TECPR2: variants seen among roughly 807,000 people sequenced by gnomAD.
TECPR2 encodes tectonin beta-propeller repeat-containing protein 2.
A neutral mutation model predicts 138.1 loss-of-function variants in TECPR2; 65 were observed. The observed-to-expected ratio is 0.47, with a 90% confidence interval of 0.39 to 0.58. TECPR2 has a LOEUF of 0.58. TECPR2 is among the 20% of genes least tolerant of loss of function. TECPR2 has a pLI of 0.00. For synonymous variants in TECPR2, 746 were observed against 749.8 expected, an observed-to-expected ratio of 0.99 and a Z score of 0.08; for missense variants, 1,553 against 1,824.5, an observed-to-expected ratio of 0.85 and a Z score of 2.71.
At chr14:102,451,282 G>A (rs138701909) in intron 15 of TECPR2, among the ~76,000 whole-genome samples, 59 of 152,284 alleles carry the variant, frequency 3.9e-4, no homozygotes, top group African/African-American at 1.4e-3. Flanking sequence ...GGAAGTAGCT[G>A]TACCTCCTCC....
rs1888312214 is a variant in TECPR2 at position 102,396,254 on chromosome 14, C to G, written c.220-11084C>G. 2.0e-5 allele frequency among the ~76,000 whole-genome samples: 3 copies of G among 152,048 alleles called. No individual in the cohort carries two copies. The South Asian group carries it at 6.2e-4, about 32-fold the overall frequency. On this transcript the variant is annotated intron_variant, in intron 2 of 19. Transcript: ENST00000359520. The stretch of plus-strand genomic sequence containing the variant: ...AACAGCTGGGATTACAGGCACACAC[C>G]ACCACGCCAGGCTAGTTTTTGTATT...
At position 102,447,812 on chromosome 14, in the gene TECPR2, C is replaced by T. The variant is rs368042918; in HGVS notation, c.3076-1817C>T. On this transcript the variant is annotated intron_variant, in intron 13 of 19. Coordinates refer to ENST00000359520, the MANE Select transcript of TECPR2 (RefSeq NM_014844.5). Reference sequence around the variant, plus strand: ...CCTCCCAAAGTGCTGGGATTATAGGCGTGAACCACCGCGCCCGGCCAGTAT... The same window carrying T: ...CCTCCCAAAGTGCTGGGATTATAGGTGTGAACCACCGCGCCCGGCCAGTAT... Among the ~76,000 whole-genome samples, 25 of 152,070 alleles carry T rather than the reference C, an allele frequency of 1.6e-4. 1 individual carries two copies. In the East Asian group the frequency reaches 3.9e-3, roughly 24 times the overall value.
chr14:102,437,406 G>T (rs1889697409), intron 9 of TECPR2, among the ~76,000 whole-genome samples: 1 of 152,160 alleles, frequency 6.6e-6, no homozygotes, highest in Non-Finnish European at 1.5e-5. Flanking sequence ...AAATAGCCGG[G>T]TGTGGTGGCA....
chr14:102,378,814 G>A (rs1414997484), intron 2 of TECPR2, among the ~76,000 whole-genome samples: 1 of 151,908 alleles, frequency 6.6e-6, no homozygotes, highest in African/African-American at 2.4e-5. Flanking sequence ...TAGTAGAGAC[G>A]GTATTTCACC....
intron 13 of TECPR2, among the ~76,000 whole-genome samples, 169 bp from the exon 14 acceptor site, chr14:102,449,460 A>AT: frequency 6.6e-6 from 1 of 152,354 alleles, no homozygotes; most frequent in Non-Finnish European, 1.5e-5. Flanking sequence ...ATCCTGCCAC[A>AT]TTTTTTTGGT....
intron 5 of TECPR2, among the ~76,000 whole-genome samples, chr14:102,421,578 G>A (rs746804481): frequency 4.0e-4 from 61 of 152,186 alleles, no homozygotes; most frequent in Non-Finnish European, 8.8e-5. Context: ...TGTGCAGGGA[G>A]TGTGGGAACA....
At chr14:102,485,129 C>T (rs1025227326) in intron 17 of TECPR2, among the ~76,000 whole-genome samples, 5 of 152,234 alleles carry the variant, frequency 3.3e-5, no homozygotes, top group Admixed American at 2.6e-4. Flanking sequence ...GCAGCTCATC[C>T]CCTTCACCTC....
At chr14:102,452,970 C>A (rs1890186233) in intron 16 of TECPR2, among the ~76,000 whole-genome samples, 1 of 152,146 alleles carries the variant, frequency 6.6e-6, no homozygotes, top group Admixed American at 6.5e-5. Context: ...AGCTTTATGA[C>A]CTGAAAAGCT....
intron 6 of TECPR2, among the ~76,000 whole-genome samples, chr14:102,426,263 C>T (rs1889319720): frequency 6.6e-6 from 1 of 151,930 alleles, no homozygotes; most frequent in Admixed American, 6.6e-5. Flanking sequence ...GGCAAATTTC[C>T]AACATCATTA....
At chr14:102,486,578 A>G (rs1406280326) in intron 17 of TECPR2, among the ~76,000 whole-genome samples, 1 of 152,148 alleles carries the variant, frequency 6.6e-6, no homozygotes, top group East Asian at 1.9e-4. Context: ...GCCCTGAGGC[A>G]CCTCTGCAAG....
chr14:102,407,391 G>A lies in TECPR2; in HGVS notation c.273G>A (p.Leu91=). The change falls in exon 3 of 20, where the codon CTG becomes CTA. Residue 91 remains leucine (L), a synonymous_variant. Coordinates refer to ENST00000359520, the MANE Select transcript of TECPR2 (RefSeq NM_014844.5). The part of the protein sequence containing the change: ...VVKLLSCFDD[L]VAAGTASGRV... ...AGCTGCTGAGCTGCTTTGATGACCT[G>A]GTGGCAGCAGGCACAGCCTCTGGCA... 6.2e-7 allele frequency: 1 copy of A among 1,613,684 alleles called. No homozygotes were observed. The highest frequency in any genetic ancestry group is 2.2e-5 in the East Asian group (1 of 44,858).
intron 17 of TECPR2, among the ~76,000 whole-genome samples, chr14:102,494,722 G>A (rs1253042694): frequency 6.6e-6 from 1 of 151,888 alleles, no homozygotes; most frequent in African/African-American, 2.4e-5. Context: ...TACTCGGGAG[G>A]CTGAGGCAGG....
chr14:102,444,488 C>T (rs1253360223), intron 12 of TECPR2, among the ~76,000 whole-genome samples: 1 of 152,040 alleles, frequency 6.6e-6, no homozygotes, highest in African/African-American at 2.4e-5. Context: ...ACATGAGCCA[C>T]TATGCCTGGC....
chr14:102,474,127 C>T (rs1043300434), intron 17 of TECPR2, among the ~76,000 whole-genome samples: 1 of 151,912 alleles, frequency 6.6e-6, no homozygotes, highest in African/African-American at 2.4e-5. Context: ...GGTGTGTTGG[C>T]GTGCACCTGT....
In TECPR2 at chr14:102,435,199, C is replaced by T. The variant is rs369859838; in HGVS notation, c.2382C>T (p.Leu794=). The T allele has an allele frequency of 3.7e-6, 6 of 1,606,446 alleles. No homozygotes were observed. In the African/African-American group the frequency reaches 4.0e-5, roughly 11 times the overall value. The change falls in exon 9 of 20, where the codon CTC becomes CTT. Residue 794 remains leucine (L), a synonymous_variant. Coordinates refer to ENST00000359520, the MANE Select transcript of TECPR2 (RefSeq NM_014844.5). The stretch of plus-strand genomic sequence containing the variant: ...TGGGTGCAGAGGACGCCGGGCTGCT[C>T]AAGCCAGATCAGGTATGTGGGTTCG... ...SRLGAEDAGL[L]KPDQFAESWM... is the part of the protein sequence containing the mutation.
In TECPR2 at chr14:102,452,523, A is replaced by T. The variant is rs1486577212; in HGVS notation, c.3536A>T (p.Asp1179Val). Residue 1179 changes from aspartate to valine, a missense_variant, in exon 16 of 20, where the codon GAT (aspartate) becomes GTT (valine). Coordinates refer to ENST00000359520, the MANE Select transcript of TECPR2 (RefSeq NM_014844.5). ...AEMRAYAACQ[D>V]ALWALDSLGQ... The stretch of plus-strand genomic sequence containing the variant: ...ATGCGCGCCTATGCCGCCTGCCAGG[A>T]TGCGCTGTGGGCGCTGGACAGCCTC... 6.2e-7 allele frequency: 1 copy of T among 1,612,632 alleles called. No homozygotes were observed. The highest frequency in any genetic ancestry group is 8.5e-7 in the Non-Finnish European group (1 of 1,179,718).
chr14:102,479,135 G>GA (rs1319449475), intron 17 of TECPR2, among the ~76,000 whole-genome samples: 1 of 152,036 alleles, frequency 6.6e-6, no homozygotes, highest in African/African-American at 2.4e-5. Flanking sequence ...AAGCAATCAT[G>GA]AAAAAAATAC....
At chr14:102,409,890 C>T (rs1339398733) in intron 4 of TECPR2, among the ~76,000 whole-genome samples, 2 of 152,114 alleles carry the variant, frequency 1.3e-5, no homozygotes, top group African/African-American at 2.4e-5. Flanking sequence ...CTGCAACCTC[C>T]GCCTCCCGGG....
chr14:102,482,581 C>T (rs1567360033), intron 17 of TECPR2, among the ~76,000 whole-genome samples: 1 of 152,284 alleles, frequency 6.6e-6, no homozygotes, highest in Admixed American at 6.5e-5. Context: ...CCCTTTCTCC[C>T]GGATCCCGGG....
Sources: gnomAD v4.1 joint callset for allele counts (sites outside exome capture counted in the v4.1 genomes callset) on GRCh38, gnomAD v4.1.1 for gene constraint, MANE v1.5 for transcripts, NCBI Gene and HGNC (gene_info 2026-07-23, HGNC 2026-07-21) for gene names.